Variants in JARID2 observed in about 807,000 individuals in gnomAD.
The protein encoded by JARID2 is protein Jumonji.
A neutral mutation model predicts 125.6 loss-of-function variants in JARID2; 21 were observed. That is an observed-to-expected ratio of 0.17 (90% CI 0.12 to 0.24). JARID2 has a LOEUF of 0.24. Among genes scored for constraint, JARID2 ranks in the 10% least tolerant of loss-of-function variants. The pLI, the probability that JARID2 is intolerant of heterozygous loss-of-function variation, is 1.00. For synonymous variants in JARID2, 736 were observed against 661.6 expected (o/e 1.11, Z -1.73); for missense variants, 1,303 against 1,639.6 (o/e 0.79, Z 3.55).
At chr6:15,337,666 C>T (rs372887112) in intron 1 of JARID2, among the ~76,000 whole-genome samples, 2 of 152,158 alleles carry the variant, frequency 1.3e-5, no homozygotes, top group East Asian at 3.9e-4. Context: ...TTTCTCCCCC[C>T]ACCCCCCTGA....
At chr6:15,300,815 T>TAC (rs1386860796) in intron 1 of JARID2, among the ~76,000 whole-genome samples, 1 of 151,382 alleles carries the variant, frequency 6.6e-6, no homozygotes, top group African/African-American at 2.4e-5. Context: ...TTAGAGGTGT[T>TAC]ACAGGATGCA....
intron 14 of JARID2, 110 bp downstream of exon 14, chr6:15,512,500 C>G: frequency 9.9e-7 from 1 of 1,006,292 alleles, no homozygotes; most frequent in Non-Finnish European, 1.5e-6. Context: ...GTCAATAGTT[C>G]CTTTTGGAAT....
intron 15 of JARID2, 66 bp downstream of exon 15, chr6:15,513,111 G>A (rs987197375): frequency 4.0e-5 from 65 of 1,606,556 alleles, no homozygotes; most frequent in South Asian, 1.5e-4. Context: ...CTCACCCCCC[G>A]AGCAGGCCTC....
chr6:15,301,156 A>G (rs574088011), intron 1 of JARID2, among the ~76,000 whole-genome samples: 211 of 152,374 alleles, frequency 1.4e-3, no homozygotes, highest in African/African-American at 4.9e-3. Flanking sequence ...TAAAAATTCC[A>G]AAGGAACAGC....
chr6:15,294,842 C>G (rs1046228422), intron 1 of JARID2, among the ~76,000 whole-genome samples: 1 of 152,140 alleles, frequency 6.6e-6, no homozygotes, highest in Non-Finnish European at 1.5e-5. Context: ...AAGGGAAGGA[C>G]TTTGTCTCCT....
intron 3 of JARID2, among the ~76,000 whole-genome samples, chr6:15,429,137 G>T (rs1766864290): frequency 1.3e-5 from 2 of 152,092 alleles, no homozygotes; most frequent in African/African-American, 2.4e-5. Context: ...ATGGGTCCTT[G>T]TTTATCTTTG....
intron 12 of JARID2, among the ~76,000 whole-genome samples, chr6:15,510,486 C>G (rs948658662): frequency 6.6e-6 from 1 of 152,188 alleles, no homozygotes; most frequent in African/African-American, 2.4e-5. Context: ...GTGTAGGTTA[C>G]TTTCTACCTG....
intron 4 of JARID2, among the ~76,000 whole-genome samples, chr6:15,465,309 T>C (rs2127669623): frequency 6.6e-6 from 1 of 152,202 alleles, no homozygotes; most frequent in South Asian, 2.1e-4. Context: ...AAAAATTATC[T>C]GGGTTTGGTG....
At chr6:15,413,008 G>GTTTTTTTTTGTTTT (rs1765959553) in intron 3 of JARID2, among the ~76,000 whole-genome samples, 1 of 47,474 alleles carries the variant, frequency 2.1e-5, no homozygotes, top group Non-Finnish European at 3.7e-5. Flanking sequence ...TTGTGTTTTT[G>GTTTTTTTTTGTTTT]TTTTTTTTTT....
At chr6:15,331,652 G>C (rs1053445583) in intron 1 of JARID2, among the ~76,000 whole-genome samples, 2 of 152,070 alleles carry the variant, frequency 1.3e-5, no homozygotes, top group Non-Finnish European at 2.9e-5. Flanking sequence ...GATCACCTGA[G>C]GTCGGGAGTT....
intron 5 of JARID2, among the ~76,000 whole-genome samples, chr6:15,485,581 G>T (rs974446658): frequency 6.6e-6 from 1 of 152,156 alleles, no homozygotes; most frequent in Non-Finnish European, 1.5e-5. Context: ...TAATTAGCTT[G>T]ATTAATCACT....
intron 1 of JARID2, among the ~76,000 whole-genome samples, chr6:15,298,012 C>T (rs1247336568): frequency 6.6e-6 from 1 of 152,004 alleles, no homozygotes. Flanking sequence ...ACAATTGAGT[C>T]AGGTTTAAAA....
intron 1 of JARID2, among the ~76,000 whole-genome samples, chr6:15,283,562 T>TCGATCTGCCGACCTTGG (rs1225829197): frequency 1.3e-5 from 2 of 151,112 alleles, no homozygotes; most frequent in East Asian, 3.9e-4. Flanking sequence ...CAGGACGGTC[T>TCGATCTGCCGACCTTGG]CGATCTGCCG....
chr6:15,267,875 G>A (rs1760148354), intron 1 of JARID2, among the ~76,000 whole-genome samples: 1 of 152,150 alleles, frequency 6.6e-6, no homozygotes, highest in South Asian at 2.1e-4. Flanking sequence ...GCATTCAGCG[G>A]AGGATTTAGT....
At chr6:15,248,106 A>C (rs1759255757) in intron 1 of JARID2, 3 of 984,906 alleles carry the variant, frequency 3.0e-6, no homozygotes, top group South Asian at 9.4e-5. Context: ...CGTGTCTCCG[A>C]GTCCGGGCGT....
intron 5 of JARID2, among the ~76,000 whole-genome samples, chr6:15,484,788 G>C (rs1381424829): frequency 6.6e-6 from 1 of 152,136 alleles, no homozygotes; most frequent in Non-Finnish European, 1.5e-5. Context: ...TTTGTAGCAG[G>C]CCTCACCATG....
intron 1 of JARID2, among the ~76,000 whole-genome samples, chr6:15,307,165 C>T (rs994814014): frequency 1.3e-5 from 2 of 151,898 alleles, no homozygotes; most frequent in South Asian, 4.1e-4. Context: ...TCGCCTGAAC[C>T]CCGGAGGTGG....
intron 1 of JARID2, among the ~76,000 whole-genome samples, chr6:15,259,511 A>G (rs1182766073): frequency 6.6e-6 from 1 of 152,210 alleles, no homozygotes; most frequent in Non-Finnish European, 1.5e-5. Flanking sequence ...ACAATGCCAC[A>G]TCTCCTTCTC....
intron 1 of JARID2, among the ~76,000 whole-genome samples, chr6:15,367,278 T>C (rs1387838507): frequency 6.6e-6 from 1 of 152,232 alleles, no homozygotes; most frequent in Non-Finnish European, 1.5e-5. Context: ...CCATGCTTTT[T>C]CATCTTTGTT....
Sources: allele counts gnomAD v4.1 joint callset (sites outside exome capture counted in the v4.1 genomes callset), GRCh38; gene constraint gnomAD v4.1.1; transcripts MANE v1.5; gene names NCBI Gene and HGNC (gene_info 2026-07-23, HGNC 2026-07-21).